Variants in PPM1E observed in about 807,000 individuals in gnomAD.
PPM1E encodes protein phosphatase 1E.
In PPM1E, 20 loss-of-function variants were observed where a neutral mutation model predicts 65.9. That is an observed-to-expected ratio of 0.30 (90% CI 0.21 to 0.44). PPM1E has a LOEUF of 0.44. PPM1E is among the 20% of genes least tolerant of loss of function. The pLI, the probability that PPM1E is intolerant of heterozygous loss-of-function variation, is 1.00. For synonymous variants in PPM1E, 352 were observed against 374.9 expected (o/e 0.94, Z 0.70); for missense variants, 713 against 953.1 (o/e 0.75, Z 3.32).
intron 1 of PPM1E, among the ~76,000 whole-genome samples, chr17:58,838,957 A>G (rs2050690051): frequency 6.6e-6 from 1 of 152,206 alleles, no homozygotes; most frequent in Non-Finnish European, 1.5e-5. Flanking sequence ...ATTATATAAC[A>G]TTCTGGAGGA....
At chr17:58,866,741 G>A (rs2051008650) in intron 1 of PPM1E, among the ~76,000 whole-genome samples, 3 of 152,200 alleles carry the variant, frequency 2.0e-5, no homozygotes. Flanking sequence ...AGATAAGGGA[G>A]AGAGAGCAGA....
chr17:58,941,776 G>A (rs552408330), intron 1 of PPM1E, among the ~76,000 whole-genome samples: 22 of 150,262 alleles, frequency 1.5e-4, no homozygotes, highest in African/African-American at 5.4e-4. Flanking sequence ...AGGCCGAGGC[G>A]GGCAGATCAC....
intron 1 of PPM1E, among the ~76,000 whole-genome samples, chr17:58,868,454 A>G (rs2051030829): frequency 6.6e-6 from 1 of 152,094 alleles, no homozygotes; most frequent in Non-Finnish European, 1.5e-5. Context: ...TATTAGTGAG[A>G]AGAGGGAAGT....
In PPM1E at chr17:58,984,301, CTG is replaced by C. The variant is rs1466257456; in HGVS notation, c.*3273_*3274del. On this transcript the variant is annotated 3_prime_UTR_variant, in exon 7 of 7. Coordinates refer to ENST00000308249, the MANE Select transcript of PPM1E (RefSeq NM_014906.5). ...ACAACCACACTCCACTGTTGAAACA[CTG>C]TGCCAGTGAGAAGTGCAACATCCAG... 1 of 152,636 alleles carries C rather than the reference CTG, an allele frequency of 6.6e-6. No individual in the cohort carries two copies. The highest frequency in any genetic ancestry group is 1.5e-5 in the Non-Finnish European group (1 of 68,040). 9.5% of individuals were successfully genotyped at this position (152,636 alleles called of 1,614,324 possible).
chr17:58,965,920 GAGATTT>G, intron 3 of PPM1E, 27 bp downstream of exon 3: 1 of 1,606,434 alleles, frequency 6.2e-7, no homozygotes, highest in African/African-American at 1.3e-5. Context: ...GAGAGTCAGT[GAGATTT>G]TAAAGACAAA....
At position 58,810,002 on chromosome 17, in the gene PPM1E, G is replaced by A. The variant is rs531821345; in HGVS notation, c.464+53541G>A. ...TAAAAATATTATTTTACCACGTAATGTACATAATTATTAGTAAGATATTTT... is the reference window on the plus strand; with the variant it reads ...TAAAAATATTATTTTACCACGTAATATACATAATTATTAGTAAGATATTTT... On this transcript the variant is annotated intron_variant, in intron 1 of 6. Transcript: ENST00000308249. Among the ~76,000 whole-genome samples, 20 of 152,052 alleles carry A rather than the reference G, an allele frequency of 1.3e-4. 1 individual carries two copies. The South Asian group carries it at 3.9e-3, about 30-fold the overall frequency.
At chr17:58,833,852 A>G (rs1294917328) in intron 1 of PPM1E, among the ~76,000 whole-genome samples, 2 of 152,212 alleles carry the variant, frequency 1.3e-5, no homozygotes, top group Non-Finnish European at 2.9e-5. Context: ...CATTCTCACC[A>G]ACAGTGTATA....
chr17:58,974,599 GAATA>G (rs968650102), intron 6 of PPM1E, among the ~76,000 whole-genome samples: 2 of 151,950 alleles, frequency 1.3e-5, no homozygotes, highest in African/African-American at 4.8e-5. Flanking sequence ...TTTTAAAAAA[GAATA>G]AATCAATATG....
At position 58,937,879 on chromosome 17, in the gene PPM1E, C is replaced by CAA. The variant is rs1226139023; in HGVS notation, c.465-17755_465-17754dup. ...TGGGCAACAGAGTGAGACTCCATCTCAAAAAAAAAAAAAAAAGAAAGAAAG... is the reference window on the plus strand; with the variant it reads ...TGGGCAACAGAGTGAGACTCCATCTCAAAAAAAAAAAAAAAAAAGAAAGAAAG... On this transcript the variant is annotated intron_variant, in intron 1 of 6. Transcript: ENST00000308249. Among the ~76,000 whole-genome samples, 780 of 82,852 alleles carry CAA rather than the reference C, an allele frequency of 9.4e-3. 18 individuals carry two copies. The highest frequency in any genetic ancestry group is 0.033 in the African/African-American group (662 of 19,972). The allele number at this position is 82,852 out of a possible 152,430, so 54.4% of individuals were successfully genotyped here. A position where few individuals can be genotyped will look rare whatever the true frequency, so the allele number is the denominator to read the frequency against.
chr17:58,794,235 A>G (rs915688976), intron 1 of PPM1E, among the ~76,000 whole-genome samples: 5 of 151,986 alleles, frequency 3.3e-5, no homozygotes, highest in African/African-American at 1.2e-4. Flanking sequence ...AGGAGCCACC[A>G]TGCCTGGCCA....
intron 1 of PPM1E, among the ~76,000 whole-genome samples, chr17:58,775,426 A>G (rs973938929): frequency 1.3e-5 from 2 of 152,114 alleles, no homozygotes; most frequent in African/African-American, 4.8e-5. Flanking sequence ...TAATAATGTT[A>G]TTATTGTATT....
intron 1 of PPM1E, among the ~76,000 whole-genome samples, chr17:58,902,280 AAGTT>A (rs986632107): frequency 2.0e-5 from 3 of 152,116 alleles, no homozygotes; most frequent in African/African-American, 7.2e-5. Flanking sequence ...TCTTACTGCT[AAGTT>A]AGGGTTGCAG....
rs201170335 is a variant in PPM1E at position 58,770,025 on chromosome 17, T to TA, written c.464+13572dup. Among the ~76,000 whole-genome samples, 772 of 151,644 alleles carry TA rather than the reference T, an allele frequency of 5.1e-3. 3 individuals are homozygous for TA. Among genetic ancestry groups the TA allele is most frequent in the Non-Finnish European group, 6.8e-3 (459 of 67,892 alleles). On this transcript the variant is annotated intron_variant, in intron 1 of 6. Transcript: ENST00000308249. Reference sequence around the variant, plus strand: ...CTGGGTGACAGAGCAAAACTCTATCTAAAAAAAACAACAACAACAAGAAAA... The same window carrying TA: ...CTGGGTGACAGAGCAAAACTCTATCTAAAAAAAAACAACAACAACAAGAAAA...
At chr17:58,931,467 G>C (rs1450259138) in intron 1 of PPM1E, among the ~76,000 whole-genome samples, 2 of 152,056 alleles carry the variant, frequency 1.3e-5, no homozygotes, top group Non-Finnish European at 2.9e-5. Flanking sequence ...AGGAAGAAAG[G>C]AAGTCAGGTA....
intron 1 of PPM1E, among the ~76,000 whole-genome samples, chr17:58,867,736 T>C (rs2051021665): frequency 6.6e-6 from 1 of 152,240 alleles, no homozygotes; most frequent in Non-Finnish European, 1.5e-5. Flanking sequence ...AAAATTTTTG[T>C]ATCTCACAAT....
intron 1 of PPM1E, among the ~76,000 whole-genome samples, chr17:58,837,645 C>T (rs2050676809): frequency 1.3e-5 from 2 of 151,808 alleles, no homozygotes; most frequent in South Asian, 4.2e-4. Context: ...TTACAGGTGC[C>T]CACCACCACT....
intron 1 of PPM1E, among the ~76,000 whole-genome samples, chr17:58,943,110 TAAC>T (rs2052097458): frequency 6.6e-6 from 1 of 151,712 alleles, no homozygotes; most frequent in Non-Finnish European, 1.5e-5. Context: ...AAAAAAAAGA[TAAC>T]AAATCTGCAG....
intron 1 of PPM1E, among the ~76,000 whole-genome samples, chr17:58,793,236 T>TTTC (rs1207721541): frequency 6.6e-6 from 1 of 152,106 alleles, no homozygotes; most frequent in African/African-American, 2.4e-5. Context: ...TCCCATGATC[T>TTTC]TTCTGTCTCT....
At chr17:58,808,169 TTGTTTATCCA>T (rs2050332786) in intron 1 of PPM1E, among the ~76,000 whole-genome samples, 2 of 152,228 alleles carry the variant, frequency 1.3e-5, no homozygotes, top group African/African-American at 4.8e-5. Context: ...AATTGGTGAT[TTGTTTATCCA>T]TGCAGCAATT....
Sources: allele counts gnomAD v4.1 joint callset (sites outside exome capture counted in the v4.1 genomes callset), GRCh38; gene constraint gnomAD v4.1.1; transcripts MANE v1.5; gene names NCBI Gene and HGNC (gene_info 2026-07-23, HGNC 2026-07-21).